The following ERBB4 variants were observed in gnomAD, a reference collection of about 807,000 sequenced individuals.
ERBB4 encodes the protein receptor tyrosine-protein kinase erbB-4.
In ERBB4, 42 loss-of-function variants were observed where a neutral mutation model predicts 158.0. The observed-to-expected ratio is 0.27, with a 90% CI of 0.21 to 0.34. The LOEUF is 0.34. ERBB4 is among the 10% of genes least tolerant of loss of function. The pLI is 1.00. For missense variants in ERBB4, 1,333 were observed against 1,624.1 expected, an observed-to-expected ratio of 0.82 and a Z score of 3.08; for synonymous variants, 583 against 558.7, an observed-to-expected ratio of 1.04 and a Z score of -0.61.
chr2:212,204,525 C>T (rs534008900), intron 1 of ERBB4, among the ~76,000 whole-genome samples: 1 of 151,852 alleles, frequency 6.6e-6, no homozygotes, highest in Admixed American at 6.6e-5. Context: ...TGGTGGAACC[C>T]CATCTCTACT....
chr2:211,956,469 T>C (rs1309235716), intron 2 of ERBB4, among the ~76,000 whole-genome samples: 1 of 152,070 alleles, frequency 6.6e-6, no homozygotes. Flanking sequence ...AGCCTAGTGA[T>C]TAAATTTGGG....
chr2:212,090,030 C>G (rs1222265960), intron 2 of ERBB4, among the ~76,000 whole-genome samples: 1 of 152,088 alleles, frequency 6.6e-6, no homozygotes, highest in East Asian at 1.9e-4. Flanking sequence ...ATTACTCAGC[C>G]TCTGCCTTTC....
In ERBB4 at chr2:211,729,379, A is replaced by G. The variant is rs550647490; in HGVS notation, c.623-4185T>C. Among the ~76,000 whole-genome samples the G allele has an allele frequency of 3.3e-5, 5 of 151,970 alleles. No individual in the cohort carries two copies. The East Asian group carries it at 9.6e-4, about 29-fold the overall frequency. Reference sequence around the variant, plus strand: ...TTTAAATATAGGGCTTTTCACCATCAACATTTTTATATCCCTTAATTCCAA... The same window carrying G: ...TTTAAATATAGGGCTTTTCACCATCGACATTTTTATATCCCTTAATTCCAA... On this transcript the variant is annotated intron_variant, in intron 5 of 27. Coordinates refer to ENST00000342788, the MANE Select transcript of ERBB4 (RefSeq NM_005235.3).
At chr2:211,803,906 A>G (rs2076555127) in intron 3 of ERBB4, among the ~76,000 whole-genome samples, 1 of 152,218 alleles carries the variant, frequency 6.6e-6, no homozygotes, top group Non-Finnish European at 1.5e-5. Flanking sequence ...GAGAGAGTAA[A>G]GAAAAGTGCA....
intron 1 of ERBB4, among the ~76,000 whole-genome samples, chr2:212,497,386 G>T (rs531273348): frequency 1.3e-5 from 2 of 152,116 alleles, no homozygotes; most frequent in East Asian, 3.9e-4. Flanking sequence ...ATCAAAATGA[G>T]ATTCAATCTT....
intron 1 of ERBB4, among the ~76,000 whole-genome samples, chr2:212,316,982 G>T (rs2087315006): frequency 6.6e-6 from 1 of 151,504 alleles, no homozygotes; most frequent in Non-Finnish European, 1.5e-5. Flanking sequence ...AAGATAACTA[G>T]ATTAAAATCC....
chr2:211,566,029 G>A (rs893248830), intron 19 of ERBB4, among the ~76,000 whole-genome samples: 1 of 152,202 alleles, frequency 6.6e-6, no homozygotes, highest in Non-Finnish European at 1.5e-5. Flanking sequence ...AGCCCACCAG[G>A]ACTGCAACAA....
At chr2:211,524,788 C>T (rs947225752) in intron 20 of ERBB4, among the ~76,000 whole-genome samples, 7 of 152,294 alleles carry the variant, frequency 4.6e-5, no homozygotes, top group South Asian at 2.1e-4. Context: ...CTGAGGGAGC[C>T]GGCTCTGGCC....
intron 20 of ERBB4, among the ~76,000 whole-genome samples, chr2:211,503,968 C>T (rs2125596846): frequency 6.6e-6 from 1 of 152,256 alleles, no homozygotes; most frequent in East Asian, 1.9e-4. Context: ...CATCCTGGAG[C>T]TTGCCCTGAT....
intron 2 of ERBB4, among the ~76,000 whole-genome samples, chr2:211,980,355 T>G (rs2081754120): frequency 6.6e-6 from 1 of 152,146 alleles, no homozygotes; most frequent in African/African-American, 2.4e-5. Context: ...AGCAGTTGAG[T>G]AGACCGAAGA....
chr2:211,635,894 A>G (rs374070191), intron 16 of ERBB4, among the ~76,000 whole-genome samples: 311 of 152,188 alleles, frequency 2.0e-3, no homozygotes, highest in South Asian at 5.6e-3. Context: ...ATAATTTTCA[A>G]CTAAAGATAA....
intron 2 of ERBB4, among the ~76,000 whole-genome samples, chr2:212,037,509 A>G (rs1359976313): frequency 6.6e-6 from 1 of 152,222 alleles, no homozygotes; most frequent in African/African-American, 2.4e-5. Context: ...CCCAAAGCCT[A>G]CAAACAACAT....
chr2:211,747,951 A>G (rs912215273), intron 5 of ERBB4, among the ~76,000 whole-genome samples: 1 of 152,008 alleles, frequency 6.6e-6, no homozygotes, highest in Non-Finnish European at 1.5e-5. Flanking sequence ...TTGAGTATAA[A>G]CTACACACAT....
At chr2:212,157,376 A>C (rs1456414272) in intron 1 of ERBB4, among the ~76,000 whole-genome samples, 1 of 152,094 alleles carries the variant, frequency 6.6e-6, no homozygotes, top group Non-Finnish European at 1.5e-5. Flanking sequence ...TTATTAGATC[A>C]GACTGTATTT....
intron 20 of ERBB4, among the ~76,000 whole-genome samples, chr2:211,460,811 T>C (rs2064511286): frequency 6.6e-6 from 1 of 152,198 alleles, no homozygotes; most frequent in African/African-American, 2.4e-5. Flanking sequence ...TAAGATTTTA[T>C]AGCTAGAACA....
At chr2:211,498,471 C>T (rs1465004039) in intron 20 of ERBB4, among the ~76,000 whole-genome samples, 1 of 152,042 alleles carries the variant, frequency 6.6e-6, no homozygotes, top group Non-Finnish European at 1.5e-5. Flanking sequence ...GAACAAGCTG[C>T]TTATAATTAT....
chr2:211,544,636 G>A (rs549745667), intron 20 of ERBB4, among the ~76,000 whole-genome samples: 4 of 151,914 alleles, frequency 2.6e-5, no homozygotes, highest in Non-Finnish European at 5.9e-5. Context: ...ATAGCAAAAC[G>A]TTATTGAATG....
intron 17 of ERBB4, among the ~76,000 whole-genome samples, chr2:211,625,641 T>C (rs2069814026): frequency 6.6e-6 from 1 of 152,204 alleles, no homozygotes. Context: ...ATTTGTTAAA[T>C]TTCAAAATGA....
chr2:211,743,007 A>C (rs768635956), intron 5 of ERBB4, among the ~76,000 whole-genome samples: 1 of 152,170 alleles, frequency 6.6e-6, no homozygotes, highest in African/African-American at 2.4e-5. Flanking sequence ...AAAGTAATGC[A>C]TTAGTCAGTT....
Sources: allele counts gnomAD v4.1 joint callset (sites outside exome capture counted in the v4.1 genomes callset), GRCh38; gene constraint gnomAD v4.1.1; transcripts MANE v1.5; gene names NCBI Gene and HGNC (gene_info 2026-07-23, HGNC 2026-07-21).